DDHD1: variants seen among roughly 807,000 people sequenced by gnomAD.
The protein encoded by DDHD1 is phospholipase DDHD1.
Under a neutral mutation model 96.4 loss-of-function variants are expected in DDHD1, and 49 were observed. That is an observed-to-expected ratio of 0.51 (90% confidence interval 0.40 to 0.64). The LOEUF is 0.64. DDHD1 is among the 30% of genes least tolerant of loss of function. The pLI is 0.00. For missense variants in DDHD1, 1,106 were observed against 1,161.2 expected (o/e 0.95, Z 0.69); for synonymous variants, 442 against 446.5 (o/e 0.99, Z 0.13).
intron 9 of DDHD1, among the ~76,000 whole-genome samples, 170 bp downstream of exon 9, chr14:53,058,305 AGG>A (rs1464180259): frequency 2.0e-5 from 3 of 150,670 alleles, no homozygotes; most frequent in African/African-American, 2.5e-5. Context: ...AGTAGAGATG[AGG>A]TTTCACCACA....
intron 12 of DDHD1, chr14:53,049,093 A>T (rs938616852): frequency 1.1e-4 from 17 of 152,214 alleles, no homozygotes; most frequent in African/African-American, 4.1e-4. Flanking sequence ...AATTATTCTT[A>T]ATATGCTATT....
chr14:53,114,382 T>C (rs1888386763), intron 1 of DDHD1, among the ~76,000 whole-genome samples: 1 of 152,196 alleles, frequency 6.6e-6, no homozygotes, highest in African/African-American at 2.4e-5. Flanking sequence ...GTGCACCAGC[T>C]CTGCTAAGGG....
At chr14:53,124,090 C>A (rs922155602) in intron 1 of DDHD1, among the ~76,000 whole-genome samples, 7 of 151,774 alleles carry the variant, frequency 4.6e-5, no homozygotes, top group Non-Finnish European at 8.8e-5. Context: ...AAAAAATTAG[C>A]CGGGCATGGT....
chr14:53,152,928 G>A lies in DDHD1; in HGVS notation c.171C>T (p.Ala57=). ...GCAGCCCGGGTTCCCCGCGCAGCAG[G>A]GCCAGGGGCACGTCGCCGTCGTCCG... The part of the protein sequence containing the change: ...GDPDDGDVPL[A]LLRGEPGLHL... Residue 57 remains alanine (A), a synonymous_variant, in exon 1 of 13, where the codon GCC becomes GCT. Transcript: ENST00000673822. 1 of 1,605,706 alleles carries A rather than the reference G, an allele frequency of 6.2e-7. No homozygotes were observed. Among genetic ancestry groups the A allele is most frequent in the Non-Finnish European group, 8.5e-7 (1 of 1,177,264 alleles).
At chr14:53,059,053 AAG>A (rs1883307097) in intron 8 of DDHD1, among the ~76,000 whole-genome samples, 2 of 152,146 alleles carry the variant, frequency 1.3e-5, no homozygotes, top group Non-Finnish European at 2.9e-5. Context: ...ATAATGCTTT[AAG>A]AGAGTGAAAA....
chr14:53,152,948 C>A lies in DDHD1; in HGVS notation c.151G>T (p.Asp51Tyr). The change falls in exon 1 of 13, where the codon GAC becomes TAC. Residue 51 changes from aspartate (D) to tyrosine (Y), a missense_variant. Asp to Tyr is a radical substitution (Grantham distance 160). Transcript: ENST00000673822. Reference sequence around the variant, plus strand: ...AGCAGGGCCAGGGGCACGTCGCCGTCGTCCGGGTCCCCGCCGGGCAGGTGC... The same window carrying A: ...AGCAGGGCCAGGGGCACGTCGCCGTAGTCCGGGTCCCCGCCGGGCAGGTGC... Reference protein sequence around the residue: ...FEHLPGGDPDDGDVPLALLRG... With the variant: ...FEHLPGGDPDYGDVPLALLRG... 6.3e-7 allele frequency: 1 copy of A among 1,593,500 alleles called. No homozygotes were observed. Among genetic ancestry groups the A allele is most frequent in the African/African-American group, 1.4e-5 (1 of 73,912 alleles).
intron 4 of DDHD1, among the ~76,000 whole-genome samples, chr14:53,083,675 G>C (rs1209843536): frequency 6.6e-6 from 1 of 152,216 alleles, no homozygotes; most frequent in African/African-American, 2.4e-5. Context: ...ACAAGCTTCA[G>C]GATGGCACTG....
At chr14:53,123,278 CTGGAATT>C (rs1889153924) in intron 1 of DDHD1, among the ~76,000 whole-genome samples, 1 of 151,856 alleles carries the variant, frequency 6.6e-6, no homozygotes, top group South Asian at 2.1e-4. Flanking sequence ...TCCCAAGTAG[CTGGAATT>C]ACAGGTGTTG....
chr14:53,118,332 T>G (rs550945577), intron 1 of DDHD1, among the ~76,000 whole-genome samples: 1 of 152,112 alleles, frequency 6.6e-6, no homozygotes, highest in Admixed American at 6.5e-5. Context: ...TTGACAGAAG[T>G]AGGCTTCAGG....
At chr14:53,088,569 C>A (rs186822729) in intron 4 of DDHD1, among the ~76,000 whole-genome samples, 1,531 of 152,196 alleles carry the variant, frequency 0.01, 32 homozygotes, top group African/African-American at 0.035. Flanking sequence ...AAGACAAAAA[C>A]CATGTAATTA....
At position 53,046,369 on chromosome 14, in the gene DDHD1, A is replaced by C. The variant is rs1363320871; in HGVS notation, c.*399T>G. 6.5e-6 allele frequency: 1 copy of C among 153,214 alleles called. No homozygotes were observed. Among genetic ancestry groups the C allele is most frequent in the East Asian group, 1.9e-4 (1 of 5,246 alleles). The allele number at this position is 153,214 out of a possible 1,614,324, so 9.5% of individuals were successfully genotyped here. A position where few individuals can be genotyped will look rare whatever the true frequency, so the allele number is the denominator to read the frequency against. On this transcript the variant is annotated 3_prime_UTR_variant, in exon 13 of 13. Transcript: ENST00000673822. ...AAATCTAAAACGATACCACCTTGTG[A>C]TCTTCATATAGAATATGCTGAACCT... is the stretch of plus-strand genomic sequence containing the variant.
chr14:53,136,154 C>T (rs1300210758), intron 1 of DDHD1, among the ~76,000 whole-genome samples: 1 of 152,186 alleles, frequency 6.6e-6, no homozygotes, highest in Non-Finnish European at 1.5e-5. Context: ...GCCCGCAAAA[C>T]ATTGCTCCTA....
intron 2 of DDHD1, among the ~76,000 whole-genome samples, chr14:53,101,809 A>C (rs1887321749): frequency 6.6e-6 from 1 of 152,090 alleles, no homozygotes; most frequent in Non-Finnish European, 1.5e-5. Context: ...TAAAAAGTAC[A>C]TATTAAATTC....
At chr14:53,082,448 T>C (rs1313037160) in intron 4 of DDHD1, among the ~76,000 whole-genome samples, 1 of 150,204 alleles carries the variant, frequency 6.7e-6, no homozygotes. Context: ...ATACCTTTTT[T>C]TTTTTTTTTT....
At chr14:53,059,232 T>G (rs1317934697) in intron 8 of DDHD1, among the ~76,000 whole-genome samples, 1 of 152,022 alleles carries the variant, frequency 6.6e-6, no homozygotes, top group Non-Finnish European at 1.5e-5. Context: ...ATAACTTGGT[T>G]TATTTTATTT....
intron 8 of DDHD1, 64 bp downstream of exon 8, chr14:53,061,062 A>G (rs1883505054): frequency 7.1e-7 from 1 of 1,402,472 alleles, no homozygotes; most frequent in Non-Finnish European, 9.9e-7. Flanking sequence ...CTAAAGGCAT[A>G]TTTCACATGA....
chr14:53,151,503 C>T (rs1460287265), intron 1 of DDHD1, among the ~76,000 whole-genome samples: 1 of 152,204 alleles, frequency 6.6e-6, no homozygotes, highest in African/African-American at 2.4e-5. Flanking sequence ...CACGTAAGTA[C>T]CAACCATAGT....
chr14:53,095,759 C>T (rs1886835523), intron 2 of DDHD1, among the ~76,000 whole-genome samples: 2 of 152,124 alleles, frequency 1.3e-5, no homozygotes, highest in South Asian at 4.1e-4. Flanking sequence ...ACTTCAAGCT[C>T]TTATATGTTT....
chr14:53,146,988 C>T (rs10873068), intron 1 of DDHD1, among the ~76,000 whole-genome samples: 83,048 of 150,314 alleles, frequency 0.55, 24,705 homozygotes, highest in South Asian at 0.68. Context: ...ACTACACTCA[C>T]GAAAAAACAA....
Sources: allele counts gnomAD v4.1 joint callset (sites outside exome capture counted in the v4.1 genomes callset), GRCh38; gene constraint gnomAD v4.1.1; transcripts MANE v1.5; gene names NCBI Gene and HGNC (gene_info 2026-07-23, HGNC 2026-07-21).